Variants in ELAPOR2 observed in about 807,000 individuals in gnomAD.
ELAPOR2 encodes the protein endosome/lysosome-associated apoptosis and autophagy regulator family member 2.
In ELAPOR2, 89 loss-of-function variants were observed where a neutral mutation model predicts 120.7. The observed-to-expected ratio is 0.74, with a 90% CI of 0.62 to 0.88. ELAPOR2 has a LOEUF of 0.88. Among genes scored for constraint, ELAPOR2 ranks in the 40% least tolerant of loss-of-function variants. The probability of loss-of-function intolerance (pLI) is 0.00; values close to 1 mark genes in which losing one functional copy is unlikely to be tolerated. For missense variants in ELAPOR2, 1,134 were observed against 1,251.6 expected, an observed-to-expected ratio of 0.91 and a Z score of 1.42; for synonymous variants, 444 against 444.9, an observed-to-expected ratio of 1.00 and a Z score of 0.03.
At chr7:87,016,898 T>C (rs1793886876) in intron 1 of ELAPOR2, among the ~76,000 whole-genome samples, 1 of 152,042 alleles carries the variant, frequency 6.6e-6, no homozygotes, top group Non-Finnish European at 1.5e-5. Context: ...AGAAATCTCC[T>C]TTCCAAAAAC....
chr7:86,970,848 T>C (rs745894114), intron 1 of ELAPOR2, among the ~76,000 whole-genome samples: 26 of 152,194 alleles, frequency 1.7e-4, no homozygotes, highest in Non-Finnish European at 2.9e-4. Flanking sequence ...AGAAATTATT[T>C]TGGAAAAAGT....
In ELAPOR2 at chr7:86,879,738, T is replaced by C. The variant is rs1159513720; in HGVS notation, c.*733A>G. The stretch of plus-strand genomic sequence containing the variant: ...CTATGATACTAGCAGCTAGTTTGCA[T>C]TAATGGAGAATTAGGGCTTCTCGTT... On this transcript the variant is annotated 3_prime_UTR_variant, in exon 22 of 22. Transcript: ENST00000450689. 1 of 152,240 alleles carries C rather than the reference T, an allele frequency of 6.6e-6. No individual in the cohort carries two copies. Among genetic ancestry groups the C allele is most frequent in the East Asian group, 1.9e-4 (1 of 5,200 alleles). The allele number at this position is 152,240 out of a possible 1,614,324, so 9.4% of individuals were successfully genotyped here. A position where few individuals can be genotyped will look rare whatever the true frequency, so the allele number is the denominator to read the frequency against.
At chr7:86,972,506 C>T (rs867459838) in intron 1 of ELAPOR2, among the ~76,000 whole-genome samples, 26 of 151,046 alleles carry the variant, frequency 1.7e-4, no homozygotes, top group African/African-American at 6.3e-4. Context: ...TTCCCTTCCA[C>T]ATCATGACAA....
intron 1 of ELAPOR2, among the ~76,000 whole-genome samples, chr7:86,992,756 A>T (rs1792987010): frequency 6.6e-6 from 1 of 152,198 alleles, no homozygotes; most frequent in South Asian, 2.1e-4. Context: ...TCATGCTACT[A>T]TGGGGACAAA....
chr7:86,938,833 C>T lies in ELAPOR2; in HGVS notation c.975G>A (p.Arg325=). The T allele has an allele frequency of 6.2e-7, 1 of 1,613,228 alleles. No homozygotes were observed. Among genetic ancestry groups the T allele is most frequent in the South Asian group, 1.1e-5 (1 of 91,058 alleles). ...CTGAAAATTGAGAGTCGTCTTTACA[C>T]CTTATACATTCTTTGGCTCCTTTCT... ...YSEKGAKECI[R]CKDDSQFSEE... Residue 325 remains arginine, a synonymous_variant, in exon 7 of 22, where the codon AGG becomes AGA. Transcript: ENST00000450689.
At chr7:87,031,422 C>T (rs1794419964) in intron 1 of ELAPOR2, among the ~76,000 whole-genome samples, 3 of 152,178 alleles carry the variant, frequency 2.0e-5, no homozygotes, top group African/African-American at 7.2e-5. Context: ...CCACATTTCT[C>T]ACCTGCACTC....
intron 18 of ELAPOR2, among the ~76,000 whole-genome samples, chr7:86,902,416 T>C (rs1055379308): frequency 2.0e-5 from 3 of 152,160 alleles, no homozygotes; most frequent in Non-Finnish European, 4.4e-5. Context: ...CCTCATTTGA[T>C]CCGCCTGTCT....
intron 8 of ELAPOR2, 58 bp downstream of exon 8, chr7:86,938,068 C>A: frequency 7.8e-7 from 1 of 1,280,598 alleles, no homozygotes; most frequent in South Asian, 1.3e-5. Context: ...AGAGTCTGCT[C>A]AAATTGGAAA....
chr7:86,990,056 ATTTTTT>A (rs1415224161), intron 1 of ELAPOR2, among the ~76,000 whole-genome samples: 1 of 149,418 alleles, frequency 6.7e-6, no homozygotes, highest in African/African-American at 2.5e-5. Flanking sequence ...TTTTATTTTT[ATTTTTT>A]TTGAGACAGA....
chr7:86,964,882 T>A (rs541205794), intron 2 of ELAPOR2, 22 bp downstream of exon 2: 1 of 1,550,968 alleles, frequency 6.4e-7, no homozygotes, highest in Non-Finnish European at 8.7e-7. Flanking sequence ...AGAAAACAAA[T>A]GGTCAAAATG....
chr7:87,035,904 A>T (rs1458131754), intron 1 of ELAPOR2, among the ~76,000 whole-genome samples: 2 of 152,170 alleles, frequency 1.3e-5, no homozygotes, highest in Admixed American at 1.3e-4. Context: ...CTGTTTTCCA[A>T]CTCATTAGGA....
At chr7:86,992,003 T>G (rs887324796) in intron 1 of ELAPOR2, among the ~76,000 whole-genome samples, 1 of 152,164 alleles carries the variant, frequency 6.6e-6, no homozygotes, top group African/African-American at 2.4e-5. Context: ...TTTCTGTCAC[T>G]AAGGAAAATG....
intron 2 of ELAPOR2, among the ~76,000 whole-genome samples, chr7:86,959,099 T>G (rs1032909454): frequency 6.6e-6 from 1 of 152,222 alleles, no homozygotes; most frequent in African/African-American, 2.4e-5. Flanking sequence ...ATAGGATTGT[T>G]TTCTTGATTT....
chr7:86,990,440 C>T lies in ELAPOR2; in HGVS notation c.190-25416G>A, dbSNP rs114452273. On this transcript the variant is annotated intron_variant, in intron 1 of 21. Coordinates refer to ENST00000450689, the MANE Select transcript of ELAPOR2 (RefSeq NM_001142749.3). Reference sequence around the variant, plus strand: ...TGAGTGAGCATGTTGGCACACTTAACCCCCTTACCATGTGACCAGCAAGAA... The same window carrying T: ...TGAGTGAGCATGTTGGCACACTTAATCCCCTTACCATGTGACCAGCAAGAA... Among the ~76,000 whole-genome samples, 349 of 152,180 alleles carry T rather than the reference C, an allele frequency of 2.3e-3. 4 individuals carry two copies. The highest frequency in any genetic ancestry group is 8.1e-3 in the African/African-American group (337 of 41,520).
intron 1 of ELAPOR2, among the ~76,000 whole-genome samples, chr7:87,007,298 C>A (rs757581804): frequency 1.3e-5 from 2 of 152,118 alleles, no homozygotes; most frequent in African/African-American, 2.4e-5. Flanking sequence ...GTATTCTAGA[C>A]TTGAGCAAAT....
chr7:86,916,620 G>C (rs1410250478), intron 12 of ELAPOR2, among the ~76,000 whole-genome samples: 1 of 152,160 alleles, frequency 6.6e-6, no homozygotes. Context: ...CTAAAATACA[G>C]ATTGCTGTGA....
At position 86,892,988 on chromosome 7, in the gene ELAPOR2, C is replaced by A; in HGVS notation, c.2798G>T (p.Gly933Val). The change falls in exon 20 of 22, where the codon GGT becomes GTT. Residue 933 changes from glycine to valine, a missense_variant. Physicochemically the swap from Gly to Val is moderately radical, Grantham distance 109. This residue lies in a region of ELAPOR2 where 831 missense variants were observed against 867.6 expected (regional missense o/e 0.96). Transcript: ENST00000450689. ...TVDFWLKVGA[G>V]VGAFTAVLLV... ...CAAAACGGCAGTAAAAGCTCCCACA[C>A]CGGCTCCCACCTTCAGCCAAAAGTC... 1 of 1,575,478 alleles carries A rather than the reference C, an allele frequency of 6.3e-7. No homozygotes were observed. Among genetic ancestry groups the A allele is most frequent in the Non-Finnish European group, 8.6e-7 (1 of 1,167,764 alleles).
chr7:86,956,900 G>A (rs778876772), intron 2 of ELAPOR2, among the ~76,000 whole-genome samples: 4 of 152,110 alleles, frequency 2.6e-5, no homozygotes, highest in Non-Finnish European at 5.9e-5. Flanking sequence ...TTTCAATTAT[G>A]CCCTACCACT....
chr7:86,965,162 C>T, intron 1 of ELAPOR2, 138 bp from the exon 2 acceptor site: 1 of 799,054 alleles, frequency 1.3e-6, no homozygotes, highest in East Asian at 2.7e-5. Context: ...CCACCCACAC[C>T]AAGCAGCTTA....
Sources: gnomAD v4.1 joint callset for allele counts (sites outside exome capture counted in the v4.1 genomes callset) on GRCh38, gnomAD v4.1.1 for gene constraint, gnomAD v4.1.1 regional missense constraint, MANE v1.5 for transcripts, NCBI Gene and HGNC (gene_info 2026-07-23, HGNC 2026-07-21) for gene names.